The following TOP6BL variants were observed in gnomAD, a reference collection of about 807,000 sequenced individuals.
The protein encoded by TOP6BL is TOP6B like initiator of meiotic double strand breaks, also known as type 2 DNA topoisomerase 6 subunit B-like.
At chr11:66,783,497 GT>G in the TOP6BL span, among the ~76,000 whole-genome samples, 399 of 151,986 alleles carry the variant, frequency 2.6e-3, 5 homozygotes, top group African/African-American at 9.0e-3. Flanking sequence ...TAACTCATGG[GT>G]TTTTTTTGCT....
chr11:66,814,885 A>G, the TOP6BL span, among the ~76,000 whole-genome samples: 1 of 152,350 alleles, frequency 6.6e-6, no homozygotes, highest in African/African-American at 2.4e-5. Flanking sequence ...TGGGTGAATC[A>G]TGCTAAAAGC....
the TOP6BL span, among the ~76,000 whole-genome samples, chr11:66,814,698 G>A: frequency 6.6e-6 from 1 of 152,172 alleles, no homozygotes; most frequent in East Asian, 1.9e-4. Flanking sequence ...ACAAAGGTGA[G>A]TAAGGGAGCA....
At chr11:66,744,843 C>CGGCGGG in the TOP6BL span, 11 of 1,323,022 alleles carry the variant, frequency 8.3e-6, no homozygotes, top group East Asian at 1.5e-4. Context: ...GCGGCGGCGG[C>CGGCGGG]GGGCGGGTAC....
chr11:66,801,602 G>A, the TOP6BL span, among the ~76,000 whole-genome samples: 1 of 152,198 alleles, frequency 6.6e-6, no homozygotes, highest in Non-Finnish European at 1.5e-5. Flanking sequence ...TTGGGAGGCT[G>A]AAGTTGATGG....
the TOP6BL span, among the ~76,000 whole-genome samples, chr11:66,764,725 C>G: frequency 6.6e-6 from 1 of 151,252 alleles, no homozygotes; most frequent in Admixed American, 6.6e-5. Context: ...TGACTAAAAT[C>G]CCAGCACTGT....
chr11:66,771,289 C>A, the TOP6BL span: 1 of 151,492 alleles, frequency 6.6e-6, no homozygotes, highest in African/African-American at 2.4e-5. Context: ...CATGAGCCAC[C>A]ATCCTCAGCC....
At chr11:66,751,835 C>A in the TOP6BL span, among the ~76,000 whole-genome samples, 126 of 152,178 alleles carry the variant, frequency 8.3e-4, no homozygotes, top group African/African-American at 2.8e-3. Context: ...ACTATGATTA[C>A]TTTTCTTTAT....
chr11:66,758,296 C>CTTT, the TOP6BL span: 1 of 57,396 alleles, frequency 1.7e-5, no homozygotes, highest in African/African-American at 6.9e-5. Context: ...CTGGTATTTT[C>CTTT]TTTTTCTTTT....
the TOP6BL span, among the ~76,000 whole-genome samples, chr11:66,801,761 A>C: frequency 6.6e-6 from 1 of 152,154 alleles, no homozygotes. Flanking sequence ...ACTTGAACCC[A>C]GGAGGTGGAG....
chr11:66,786,887 T>C, the TOP6BL span, among the ~76,000 whole-genome samples: 1 of 152,112 alleles, frequency 6.6e-6, no homozygotes, highest in South Asian at 2.1e-4. Context: ...AACAAACTAA[T>C]GGCAAGAACA....
the TOP6BL span, among the ~76,000 whole-genome samples, chr11:66,826,444 C>T: frequency 6.6e-6 from 1 of 152,064 alleles, no homozygotes; most frequent in Admixed American, 6.6e-5. Flanking sequence ...TAATATCTTG[C>T]TTCTTTTGAA....
chr11:66,774,589 G>A, the TOP6BL span, among the ~76,000 whole-genome samples: 1 of 152,090 alleles, frequency 6.6e-6, no homozygotes, highest in East Asian at 1.9e-4. Flanking sequence ...GAGTAACTGG[G>A]ACTACAGGCG....
the TOP6BL span, chr11:66,822,628 G>C: frequency 6.4e-7 from 1 of 1,552,778 alleles, no homozygotes; most frequent in Non-Finnish European, 8.7e-7. Context: ...ATTCTGACTG[G>C]AAGCACTAGG....
At chr11:66,807,610 C>G in the TOP6BL span, among the ~76,000 whole-genome samples, 2 of 152,020 alleles carry the variant, frequency 1.3e-5, no homozygotes, top group Admixed American at 1.3e-4. Flanking sequence ...ATAAAAGCAT[C>G]AAAGAGCTAG....
At chr11:66,829,861 T>C in the TOP6BL span, among the ~76,000 whole-genome samples, 1 of 151,938 alleles carries the variant, frequency 6.6e-6, no homozygotes, top group Admixed American at 6.6e-5. Context: ...TACACTCCAA[T>C]CTAGGTGGCA....
the TOP6BL span, chr11:66,762,048 T>G: frequency 7.2e-7 from 1 of 1,392,852 alleles, no homozygotes; most frequent in Middle Eastern, 2.4e-4. Context: ...CCAGCAACTT[T>G]CCGCACTAAT....
the TOP6BL span, among the ~76,000 whole-genome samples, chr11:66,770,313 A>G: frequency 6.6e-6 from 1 of 152,196 alleles, no homozygotes; most frequent in Non-Finnish European, 1.5e-5. Context: ...GAGTGGACTA[A>G]GACAACATTT....
chr11:66,840,530 C>T, the TOP6BL span, among the ~76,000 whole-genome samples: 283 of 152,228 alleles, frequency 1.9e-3, 1 homozygote, highest in African/African-American at 6.1e-3. Flanking sequence ...GAAAATCTCC[C>T]GTGACCTTGA....
the TOP6BL span, among the ~76,000 whole-genome samples, chr11:66,754,564 T>C: frequency 2.0e-5 from 3 of 152,248 alleles, no homozygotes; most frequent in Non-Finnish European, 4.4e-5. Context: ...TTTGAAATTT[T>C]AGCATCACTA....
Sources: allele counts gnomAD v4.1 joint callset (sites outside exome capture counted in the v4.1 genomes callset), GRCh38; gene constraint gnomAD v4.1.1; transcripts MANE v1.5; gene names NCBI Gene and HGNC (gene_info 2026-07-23, HGNC 2026-07-21).